SIRPD: variants seen among roughly 807,000 people sequenced by gnomAD.
SIRPD encodes signal-regulatory protein delta.
In SIRPD, 21 loss-of-function variants were observed where a neutral mutation model predicts 18.0. The ratio of observed to expected loss-of-function variants is 1.17; its 90% CI spans 0.83 to 1.68. The LOEUF (loss-of-function observed/expected upper bound fraction) is 1.68, where lower values mean the gene tolerates loss of function less well. Ranked by LOEUF, SIRPD falls within the 40% of genes most tolerant of loss-of-function variation. The pLI is 0.00. For missense variants in SIRPD, 295 were observed against 238.4 expected (o/e 1.24, Z -1.56); for synonymous variants, 106 against 92.9 (o/e 1.14, Z -0.81).
intron 2 of SIRPD, among the ~76,000 whole-genome samples, chr20:1,547,671 T>C (rs980579368): frequency 6.6e-6 from 1 of 152,204 alleles, no homozygotes; most frequent in Non-Finnish European, 1.5e-5. Context: ...CTTGTCAATT[T>C]CTACAAAAAA....
chr20:1,545,628 A>G (rs1185287654), intron 2 of SIRPD, among the ~76,000 whole-genome samples: 2 of 152,194 alleles, frequency 1.3e-5, no homozygotes, highest in African/African-American at 2.4e-5. Flanking sequence ...CAATTCGTCA[A>G]ACTCATTCTC....
intron 2 of SIRPD, among the ~76,000 whole-genome samples, chr20:1,544,348 C>G (rs1568667617): frequency 6.6e-6 from 1 of 152,036 alleles, no homozygotes; most frequent in East Asian, 1.9e-4. Flanking sequence ...TTTATTGATG[C>G]CTTTACCATT....
intron 2 of SIRPD, among the ~76,000 whole-genome samples, chr20:1,545,473 T>G (rs2090989577): frequency 6.6e-6 from 1 of 152,200 alleles, no homozygotes; most frequent in Non-Finnish European, 1.5e-5. Flanking sequence ...ATCAGGTCAT[T>G]TATGTTCTTC....
At chr20:1,541,025 A>G (rs2090968811) in intron 2 of SIRPD, among the ~76,000 whole-genome samples, 1 of 152,046 alleles carries the variant, frequency 6.6e-6, no homozygotes, top group Non-Finnish European at 1.5e-5. Context: ...CATTTTCTTT[A>G]TCTATCCTAT....
At chr20:1,543,232 T>C (rs1460710128) in intron 2 of SIRPD, among the ~76,000 whole-genome samples, 1 of 152,210 alleles carries the variant, frequency 6.6e-6, no homozygotes, top group African/African-American at 2.4e-5. Flanking sequence ...GTACCTCTGG[T>C]AGAATTCGGC....
chr20:1,537,071 C>T, intron 3 of SIRPD, 84 bp downstream of exon 3: 1 of 1,509,682 alleles, frequency 6.6e-7, no homozygotes, highest in Admixed American at 1.8e-5. Flanking sequence ...ATTCATCCGC[C>T]CCACTGCAGG....
intron 1 of SIRPD, 138 bp downstream of exon 1, chr20:1,557,443 T>C: frequency 1.5e-6 from 1 of 645,414 alleles, no homozygotes; most frequent in Non-Finnish European, 2.4e-6. Context: ...CCCAGTGTAG[T>C]CTTCTGAGTT....
intron 2 of SIRPD, among the ~76,000 whole-genome samples, chr20:1,541,134 A>G (rs1174314288): frequency 2.0e-5 from 3 of 152,172 alleles, no homozygotes; most frequent in Admixed American, 2.0e-4. Context: ...AATGATTATA[A>G]TCCTTTCGGT....
In SIRPD at chr20:1,550,293, C is replaced by T. The variant is rs73569172; in HGVS notation, c.421+1398G>A. ...ATGGACCTCCTCTCCCTAGCAACAA[C>T]GAATAAAATGTTGACAACATGGCAT... is the stretch of plus-strand genomic sequence containing the variant. On this transcript the variant is annotated intron_variant, in intron 2 of 3. Coordinates refer to ENST00000381623, the MANE Select transcript of SIRPD (RefSeq NM_178460.3). Among the ~76,000 whole-genome samples, 1,424 of 152,242 alleles carry T rather than the reference C, an allele frequency of 9.4e-3. 23 individuals are homozygous for T. The highest frequency in any genetic ancestry group is 0.033 in the African/African-American group (1,375 of 41,528).
Position 1,537,173 on chromosome 20 carries a change from G to A in SIRPD, c.559C>T (p.Arg187Trp), listed in dbSNP as rs376154758. 56 of 1,613,912 alleles carry A rather than the reference G, an allele frequency of 3.5e-5. No homozygotes were observed. Among genetic ancestry groups the A allele is most frequent in the East Asian group, 2.9e-4 (13 of 44,882 alleles). The change falls in exon 3 of 4, where the codon CGG becomes TGG. Residue 187 changes from arginine to tryptophan, a missense_variant. Physicochemically the swap from Arg to Trp is moderately radical, Grantham distance 101. Coordinates refer to ENST00000381623, the MANE Select transcript of SIRPD (RefSeq NM_178460.3). ...NYFVQPCCCLRLLGLTGLLSK is the reference protein window; with the variant it reads ...NYFVQPCCCLWLLGLTGLLSK ...CACTCACCTGTGAGTCCCAGCAGCC[G>A]GAGGCAGCAGCAGGGTTGGACGAAA...
Position 1,551,819 on chromosome 20 carries a change from G to A in SIRPD, c.293C>T (p.Thr98Ile), listed in dbSNP as rs1296144503. ...TTCACGGATGCGGGTGGAAAAGTCT[G>A]TGTTGCCAGGCTTGGTGGTGTCTCC... is the stretch of plus-strand genomic sequence containing the variant. ...EIGDTTKPGN[T>I]DFSTRIREIS... Residue 98 changes from threonine (T) to isoleucine (I), a missense_variant, in exon 2 of 4, where the codon ACA (threonine) becomes ATA (isoleucine). Coordinates refer to ENST00000381623, the MANE Select transcript of SIRPD (RefSeq NM_178460.3). 2 of 1,614,156 alleles carry A rather than the reference G, an allele frequency of 1.2e-6. No homozygotes were observed. Among genetic ancestry groups the A allele is most frequent in the East Asian group, 2.2e-5 (1 of 44,872 alleles).
At chr20:1,552,708 A>G (rs1284302731) in intron 1 of SIRPD, among the ~76,000 whole-genome samples, 1 of 152,028 alleles carries the variant, frequency 6.6e-6, no homozygotes, top group African/African-American at 2.4e-5. Flanking sequence ...TCACTACCCT[A>G]CAATGTGTCA....
At chr20:1,535,018 GC>G (rs1479403147) in intron 3 of SIRPD, among the ~76,000 whole-genome samples, 11 of 152,154 alleles carry the variant, frequency 7.2e-5, no homozygotes, top group African/African-American at 2.4e-4. Flanking sequence ...TTGATGCATG[GC>G]CCATGTCCAA....
In SIRPD at chr20:1,551,834, G is replaced by T. The variant is rs556446196; in HGVS notation, c.278C>A (p.Thr93Asn). ...GGAAAAGTCTGTGTTGCCAGGCTTG[G>T]TGGTGTCTCCAATCTCTTTTACTCT... ...FPRVKEIGDT[T>N]KPGNTDFSTR... The change falls in exon 2 of 4, where the codon ACC becomes AAC. Residue 93 changes from threonine to asparagine, a missense_variant. Transcript: ENST00000381623. 5.0e-6 allele frequency: 8 copies of T among 1,614,112 alleles called. No individual in the cohort carries two copies. Among genetic ancestry groups the T allele is most frequent in the Non-Finnish European group, 6.8e-6 (8 of 1,180,000 alleles).
chr20:1,552,577 C>T (rs1164511193), intron 1 of SIRPD, among the ~76,000 whole-genome samples: 1 of 152,146 alleles, frequency 6.6e-6, no homozygotes, highest in Non-Finnish European at 1.5e-5. Context: ...CTACTTATCT[C>T]TTCAAGAGAG....
chr20:1,551,302 G>A (rs553112240), intron 2 of SIRPD, among the ~76,000 whole-genome samples: 9 of 152,262 alleles, frequency 5.9e-5, no homozygotes, highest in South Asian at 4.1e-4. Context: ...AGCCAACAAA[G>A]GGAAGAATTA....
At chr20:1,557,360 G>A (rs2091046152) in intron 1 of SIRPD, among the ~76,000 whole-genome samples, 1 of 152,118 alleles carries the variant, frequency 6.6e-6, no homozygotes, top group Admixed American at 6.5e-5. Flanking sequence ...CCATAGGTGT[G>A]AGTCGTTTAC....
At chr20:1,556,224 G>A (rs2091040928) in intron 1 of SIRPD, among the ~76,000 whole-genome samples, 1 of 152,226 alleles carries the variant, frequency 6.6e-6, no homozygotes, top group South Asian at 2.1e-4. Context: ...GGGTGGGATA[G>A]TTGGGAGTCA....
At chr20:1,536,955 A>G (rs1415364523) in intron 3 of SIRPD, among the ~76,000 whole-genome samples, 200 bp downstream of exon 3, 1 of 152,186 alleles carries the variant, frequency 6.6e-6, no homozygotes. Flanking sequence ...AGCAAGAAGA[A>G]TTCTGGAAGG....
Sources: allele counts gnomAD v4.1 joint callset (sites outside exome capture counted in the v4.1 genomes callset), GRCh38; gene constraint gnomAD v4.1.1; transcripts MANE v1.5; gene names NCBI Gene and HGNC (gene_info 2026-07-23, HGNC 2026-07-21).